LRRC20: variants seen among roughly 807,000 people sequenced by gnomAD.
LRRC20 encodes leucine-rich repeat-containing protein 20.
Under a neutral mutation model 14.4 loss-of-function variants are expected in LRRC20, and 11 were observed. The observed-to-expected ratio is 0.77, with a 90% CI of 0.48 to 1.27. The LOEUF (loss-of-function observed/expected upper bound fraction) is 1.27. LRRC20 is among the 50% of genes most tolerant of loss of function. LRRC20 has a pLI of 0.00. For synonymous variants in LRRC20, 121 were observed against 107.3 expected (o/e 1.13, Z -0.79); for missense variants, 219 against 251.2 (o/e 0.87, Z 0.87).
intron 4 of LRRC20, among the ~76,000 whole-genome samples, chr10:70,308,700 G>C (rs556377504): frequency 6.6e-6 from 1 of 152,248 alleles, no homozygotes; most frequent in African/African-American, 2.4e-5. Flanking sequence ...GGGTGGGAGA[G>C]GCCAGGAGTC....
intron 1 of LRRC20, among the ~76,000 whole-genome samples, chr10:70,377,778 C>T (rs1308330604): frequency 1.3e-5 from 2 of 152,344 alleles, no homozygotes; most frequent in East Asian, 1.9e-4. Flanking sequence ...CAAGCCAGGG[C>T]TGGCCAAGCC....
chr10:70,369,119 A>T (rs562481231), intron 2 of LRRC20, among the ~76,000 whole-genome samples: 1 of 152,338 alleles, frequency 6.6e-6, no homozygotes, highest in South Asian at 2.1e-4. Context: ...ACAAAGGTAG[A>T]TGTTCACCTC....
chr10:70,336,231 A>T (rs190886220), intron 3 of LRRC20, among the ~76,000 whole-genome samples: 1 of 152,240 alleles, frequency 6.6e-6, no homozygotes, highest in Admixed American at 6.5e-5. Context: ...CACCGAACCC[A>T]ATGCTTGTGG....
chr10:70,376,501 T>A lies in LRRC20; in HGVS notation c.33A>T (p.Arg11Ser), dbSNP rs750849428. ...CCGTCTCGTTGACCTTCCTTGCTAC[T>A]CTGGCCACGGCCTCACCCATCTTCT... MLKKMGEAVARVARKVNETVE... is the reference protein window; with the variant it reads MLKKMGEAVASVARKVNETVE... The change falls in exon 2 of 5, where the codon AGA becomes AGT. Residue 11 changes from arginine to serine, a missense_variant. Physicochemically the swap from Arg to Ser is moderately radical, Grantham distance 110. Transcript: ENST00000446961. 3 of 1,613,986 alleles carry A rather than the reference T, an allele frequency of 1.9e-6. No individual in the cohort carries two copies. In the South Asian group the frequency reaches 3.3e-5, roughly 18 times the overall value.
intron 4 of LRRC20, among the ~76,000 whole-genome samples, chr10:70,318,328 ATGC>A (rs1368849957): frequency 6.6e-6 from 1 of 152,188 alleles, no homozygotes; most frequent in African/African-American, 2.4e-5. Context: ...TTCTCTAGCG[ATGC>A]TGCTGCTGCT....
intron 4 of LRRC20, among the ~76,000 whole-genome samples, chr10:70,312,353 C>T (rs1042528083): frequency 2.0e-5 from 3 of 151,242 alleles, no homozygotes; most frequent in African/African-American, 4.8e-5. Context: ...GGTCATGCTG[C>T]AACAAGAAGG....
rs548943203 is a variant in LRRC20 at position 70,299,835 on chromosome 10, G to C, written c.*1519C>G. 6.6e-6 allele frequency: 1 copy of C among 152,368 alleles called. No homozygotes were observed. The highest frequency in any genetic ancestry group is 6.5e-5 in the Admixed American group (1 of 15,300). The allele number at this position is 152,368 out of a possible 1,614,324, so 9.4% of individuals were successfully genotyped here. On this transcript the variant is annotated 3_prime_UTR_variant, in exon 5 of 5. Transcript: ENST00000446961. ...TTGGGATACGAGCAGAATGAACAGAGTCTCTTGAGATACTGAGCGCTCAGT... is the reference window on the plus strand; with the variant it reads ...TTGGGATACGAGCAGAATGAACAGACTCTCTTGAGATACTGAGCGCTCAGT...
intron 2 of LRRC20, among the ~76,000 whole-genome samples, chr10:70,373,204 C>A (rs550499491): frequency 6.6e-6 from 1 of 152,092 alleles, no homozygotes; most frequent in South Asian, 2.1e-4. Context: ...AGCTATTTTA[C>A]ATGAGAACCA....
intron 2 of LRRC20, among the ~76,000 whole-genome samples, chr10:70,342,563 C>T (rs1371025330): frequency 2.0e-5 from 3 of 152,132 alleles, no homozygotes; most frequent in South Asian, 2.1e-4. Context: ...GTTCCCTGAG[C>T]CTCAGTTTCC....
At chr10:70,323,560 G>C (rs1302921147) in intron 4 of LRRC20, among the ~76,000 whole-genome samples, 1 of 152,232 alleles carries the variant, frequency 6.6e-6, no homozygotes, top group African/African-American at 2.4e-5. Flanking sequence ...AGACCGCCTA[G>C]GCTGGTAGGT....
intron 2 of LRRC20, among the ~76,000 whole-genome samples, chr10:70,373,718 T>C (rs1332961319): frequency 1.3e-5 from 2 of 152,202 alleles, no homozygotes; most frequent in African/African-American, 4.8e-5. Context: ...TGACTAGAGC[T>C]TCACAGCAGT....
chr10:70,309,158 G>A (rs1841542049), intron 4 of LRRC20, among the ~76,000 whole-genome samples: 1 of 152,158 alleles, frequency 6.6e-6, no homozygotes, highest in Non-Finnish European at 1.5e-5. Context: ...ATCACCCAGA[G>A]TAAGAAAGAC....
chr10:70,306,122 CT>C (rs1459817643), intron 4 of LRRC20, among the ~76,000 whole-genome samples: 2 of 151,742 alleles, frequency 1.3e-5, no homozygotes, highest in East Asian at 1.9e-4. Context: ...CTCTCTCTCT[CT>C]CTCTCCCCCA....
intron 2 of LRRC20, among the ~76,000 whole-genome samples, chr10:70,341,122 A>G (rs1842899176): frequency 6.6e-6 from 1 of 152,190 alleles, no homozygotes; most frequent in Admixed American, 6.5e-5. Flanking sequence ...AAAACAGGCA[A>G]TTCACACAGA....
intron 4 of LRRC20, among the ~76,000 whole-genome samples, chr10:70,316,238 T>C (rs1170167345): frequency 3.3e-5 from 5 of 152,224 alleles, no homozygotes; most frequent in Admixed American, 1.3e-4. Context: ...GTTCAAGCAA[T>C]TTTCCCGCCT....
In LRRC20 at chr10:70,299,839, CTT is replaced by C. The variant is rs1207852015; in HGVS notation, c.*1513_*1514del. 2.6e-5 allele frequency: 4 copies of C among 152,258 alleles called. No individual in the cohort carries two copies. Among genetic ancestry groups the C allele is most frequent in the African/African-American group, 4.8e-5 (2 of 41,440 alleles). 9.4% of individuals were successfully genotyped at this position (152,258 alleles called of 1,614,324 possible). A position where few individuals can be genotyped will look rare whatever the true frequency, so the allele number is the denominator to read the frequency against. On this transcript the variant is annotated 3_prime_UTR_variant, in exon 5 of 5. Coordinates refer to ENST00000446961, the MANE Select transcript of LRRC20 (RefSeq NM_001278212.2). ...GATACGAGCAGAATGAACAGAGTCT[CTT>C]GAGATACTGAGCGCTCAGTGATGGC...
At chr10:70,378,087 G>A (rs1844574685) in intron 1 of LRRC20, among the ~76,000 whole-genome samples, 1 of 152,126 alleles carries the variant, frequency 6.6e-6, no homozygotes, top group South Asian at 2.1e-4. Context: ...TCAGAGCCCA[G>A]GACACGTAAA....
Position 70,300,983 on chromosome 10 carries a change from T to G in LRRC20, c.*371A>C. 1 of 1,019,186 alleles carries G rather than the reference T, an allele frequency of 9.8e-7. No individual in the cohort carries two copies. Among genetic ancestry groups the G allele is most frequent in the Non-Finnish European group, 1.2e-6 (1 of 852,696 alleles). 63.1% of individuals were successfully genotyped at this position (1,019,186 alleles called of 1,614,324 possible). ...GAAAATACCTGGCAATGCCCACCTG[T>G]GCCTGCTGATCTGGAGGTAACTTGG... On this transcript the variant is annotated 3_prime_UTR_variant, in exon 5 of 5. Coordinates refer to ENST00000446961, the MANE Select transcript of LRRC20 (RefSeq NM_001278212.2).
chr10:70,366,124 G>T (rs893876735), intron 2 of LRRC20, among the ~76,000 whole-genome samples: 7 of 149,454 alleles, frequency 4.7e-5, no homozygotes, highest in Non-Finnish European at 8.9e-5. Flanking sequence ...ACAAGCACAT[G>T]AAAAGTTGTA....
Sources: gnomAD v4.1 joint callset for allele counts (sites outside exome capture counted in the v4.1 genomes callset) on GRCh38, gnomAD v4.1.1 for gene constraint, MANE v1.5 for transcripts, NCBI Gene and HGNC (gene_info 2026-07-23, HGNC 2026-07-21) for gene names.